SLC25A39: variants seen among roughly 807,000 people sequenced by gnomAD.
SLC25A39 encodes the protein mitochondrial glutathione transporter SLC25A39.
A neutral mutation model predicts 46.6 loss-of-function variants in SLC25A39; 44 were observed. That is an observed-to-expected ratio of 0.94 (90% confidence interval 0.74 to 1.21). The LOEUF is 1.21. SLC25A39 is among the 50% of genes most tolerant of loss of function. SLC25A39 has a pLI of 0.00. For synonymous variants in SLC25A39, 218 were observed against 190.6 expected, an observed-to-expected ratio of 1.14 and a Z score of -1.19; for missense variants, 487 against 473.0, an observed-to-expected ratio of 1.03 and a Z score of -0.28.
In SLC25A39 at chr17:44,323,345, T is replaced by G. The variant is rs1332180829; in HGVS notation, c.86-2A>C. The stretch of plus-strand genomic sequence containing the variant: ...CCTTCACCACGTCCAGGGGTGTCAC[T>G]GGGGGAGGAAGCGGGTCTGAAGGCT... On this transcript the variant is annotated splice_acceptor_variant, in intron 2 of 11. Transcript: ENST00000377095. LOFTEE classifies it high-confidence loss of function. 1.2e-6 allele frequency: 2 copies of G among 1,610,646 alleles called. No homozygotes were observed. Among genetic ancestry groups the G allele is most frequent in the East Asian group, 2.2e-5 (1 of 44,842 alleles).
At chr17:44,323,439 A>AAAGCCCCCCCCCCC in intron 2 of SLC25A39, 39 bp downstream of exon 2, 1 of 257,106 alleles carries the variant, frequency 3.9e-6, no homozygotes, top group Non-Finnish European at 5.7e-6. Context: ...GGTCTGCCCC[A>AAAGCCCCCCCCCCC]TCCCCACCCG....
rs770932432 is a variant in SLC25A39 at position 44,322,437 on chromosome 17, G to A, written c.306C>T (p.Thr102=). The A allele has an allele frequency of 6.2e-6, 10 of 1,614,038 alleles. No homozygotes were observed. ...TCCTCACCATGGTGCCAGTGAAGCG[G>A]GTAGGGTCTTGAAACCAGGTGGCAC... is the stretch of plus-strand genomic sequence containing the variant. ...ARCATWFQDP[T]RFTGTMDAFV... The change falls in exon 5 of 12, where the codon ACC becomes ACT. Residue 102 remains threonine (T), a synonymous_variant. Transcript: ENST00000377095.
intron 1 of SLC25A39, 103 bp downstream of exon 1, chr17:44,324,608 G>C (rs2048171152): frequency 6.6e-6 from 1 of 152,332 alleles, no homozygotes; most frequent in Non-Finnish European, 1.5e-5. Context: ...AGGTGAGGGG[G>C]ACCACGCCAG....
rs187980930 is a variant in SLC25A39, at chr17:44,321,961, G to A, written c.325-194C>T. On this transcript the variant is annotated intron_variant, in intron 5 of 11. Coordinates refer to ENST00000377095, the MANE Select transcript of SLC25A39 (RefSeq NM_001143780.3). ...CCTGGTCACCCTTCAAAAACCTTATGGAGGCCAGGCACGGTGGCTCACATA... is the reference window on the plus strand; with the variant it reads ...CCTGGTCACCCTTCAAAAACCTTATAGAGGCCAGGCACGGTGGCTCACATA... 3.3e-4 allele frequency among the ~76,000 whole-genome samples: 50 copies of A among 152,290 alleles called. 1 individual carries two copies. The East Asian group carries it at 9.7e-3, about 29-fold the overall frequency.
intron 1 of SLC25A39, chr17:44,324,139 G>A (rs1276542082): frequency 9.0e-5 from 14 of 154,742 alleles, no homozygotes; most frequent in South Asian, 7.7e-4. Flanking sequence ...CCTATCGCTC[G>A]AATGCAGTAG....
chr17:44,321,317 G>A (rs755054090), intron 7 of SLC25A39, 86 bp from the exon 8 acceptor site: 22 of 1,582,062 alleles, frequency 1.4e-5, no homozygotes, highest in Non-Finnish European at 1.7e-6. Context: ...CAGGTCTGGG[G>A]ACCTAGAACA....
chr17:44,323,744 C>A, intron 1 of SLC25A39, 167 bp from the exon 2 acceptor site: 1 of 592,330 alleles, frequency 1.7e-6, no homozygotes, highest in Non-Finnish European at 3.0e-6. Context: ...CCCGTTCAAG[C>A]GGTTCTCTTG....
intron 5 of SLC25A39, 57 bp downstream of exon 5, chr17:44,322,362 C>A: frequency 6.2e-7 from 1 of 1,601,520 alleles, no homozygotes; most frequent in Non-Finnish European, 8.5e-7. Context: ...TGCTGCCCAG[C>A]CAGACCGAAC....
chr17:44,323,104 G>T (rs773688187), intron 3 of SLC25A39, among the ~76,000 whole-genome samples, 180 bp downstream of exon 3: 18 of 152,160 alleles, frequency 1.2e-4, no homozygotes, highest in Non-Finnish European at 2.4e-4. Flanking sequence ...TGTAGTTTTA[G>T]TAGTGAGAGA....
chr17:44,323,386 C>A (rs754505005), intron 2 of SLC25A39, 43 bp from the exon 3 acceptor site: 50 of 1,599,176 alleles, frequency 3.1e-5, no homozygotes, highest in Non-Finnish European at 4.1e-5. Context: ...CAGGACCCCA[C>A]CCCTAGGACT....
At position 44,320,189 on chromosome 17, in the gene SLC25A39, C is replaced by T. The variant is rs1298277034; in HGVS notation, c.964+7G>A. On this transcript the variant is annotated splice_region_variant and intron_variant, in intron 11 of 11. Coordinates refer to ENST00000377095, the MANE Select transcript of SLC25A39 (RefSeq NM_001143780.3). ...CATGCCCCCACCCCCGACACCCACACACTGACCTGCAAAGAGTCCCTTGGT... is the reference window on the plus strand; with the variant it reads ...CATGCCCCCACCCCCGACACCCACATACTGACCTGCAAAGAGTCCCTTGGT... 6.2e-7 allele frequency: 1 copy of T among 1,613,914 alleles called. No homozygotes were observed. Among genetic ancestry groups the T allele is most frequent in the African/African-American group, 1.3e-5 (1 of 74,924 alleles).
At chr17:44,323,454 C>T in intron 2 of SLC25A39, 24 bp downstream of exon 2, 1 of 1,492,910 alleles carries the variant, frequency 6.7e-7, no homozygotes. Context: ...CACCCGCCCC[C>T]ACCCCACCTC....
chr17:44,322,302 C>T (rs569994378), intron 5 of SLC25A39, 117 bp downstream of exon 5: 122 of 1,145,212 alleles, frequency 1.1e-4, no homozygotes, highest in Non-Finnish European at 1.5e-4. Context: ...CACTTCCTGA[C>T]GGAACCGGCT....
rs148136132 is a variant in SLC25A39, at chr17:44,321,477, G to A, written c.474C>T (p.Thr158=). 719 of 1,614,104 alleles carry A rather than the reference G, an allele frequency of 4.5e-4. 1 individual carries two copies. Among genetic ancestry groups the A allele is most frequent in the Admixed American group, 1.9e-3 (114 of 60,018 alleles). ...CCACCATGGGTGCGTAGAGGTCAGA[G>A]GTCAGGGCTCGACCACACAGGAAGG... ...LKAFLCGRAL[T]SDLYAPMVAG... Residue 158 remains threonine (T), a synonymous_variant, in exon 7 of 12, where the codon ACC becomes ACT. Transcript: ENST00000377095.
Position 44,322,630 on chromosome 17 carries a change from G to A in SLC25A39, c.191-78C>T, listed in dbSNP as rs957776035. ...AGGCAGTGGGCCCCTATCCCTGGAA[G>A]GCCAGTAAAGGCCAGGTCCCTGTGT... On this transcript the variant is annotated intron_variant, in intron 4 of 11. Coordinates refer to ENST00000377095, the MANE Select transcript of SLC25A39 (RefSeq NM_001143780.3). 20 of 1,570,878 alleles carry A rather than the reference G, an allele frequency of 1.3e-5. No individual in the cohort carries two copies. The African/African-American group carries it at 2.3e-4, about 18-fold the overall frequency.
Position 44,323,271 on chromosome 17 carries a change from G to C in SLC25A39, c.145+13C>G. 6.2e-7 allele frequency: 1 copy of C among 1,613,770 alleles called. No homozygotes were observed. Among genetic ancestry groups the C allele is most frequent in the Non-Finnish European group, 8.5e-7 (1 of 1,179,896 alleles). On this transcript the variant is annotated intron_variant, in intron 3 of 11. Transcript: ENST00000377095. The stretch of plus-strand genomic sequence containing the variant: ...AGGCACCACCCCTCACTAGTTCCAG[G>C]TCAGGTACTCACCGCTGGCCATGGA...
intron 5 of SLC25A39, among the ~76,000 whole-genome samples, chr17:44,322,198 G>A (rs1420807813): frequency 2.0e-5 from 3 of 152,162 alleles, no homozygotes; most frequent in Admixed American, 2.0e-4. Context: ...GCAGTGAGCT[G>A]AGATCACACC....
In SLC25A39 at chr17:44,323,491, A is replaced by T; in HGVS notation, c.72T>A (p.Val24=). The change falls in exon 2 of 12, where the codon GTT becomes GTA. Residue 24 remains valine, a synonymous_variant. Transcript: ENST00000377095. ...CCTAGGTCTTACTGAAGAGAGAGGTAACCACAGCCCCGGTGCCTGAGGCCA... is the reference window on the plus strand; with the variant it reads ...CCTAGGTCTTACTGAAGAGAGAGGTTACCACAGCCCCGGTGCCTGAGGCCA... ...QMVASGTGAV[V]TSLFMTPLDV... 1 of 1,355,050 alleles carries T rather than the reference A, an allele frequency of 7.4e-7. No homozygotes were observed. 83.9% of individuals were successfully genotyped at this position (1,355,050 alleles called of 1,614,324 possible). A position where few individuals can be genotyped will look rare whatever the true frequency, so the allele number is the denominator to read the frequency against.
Position 44,321,143 on chromosome 17 carries a change from A to G in SLC25A39, c.606T>C (p.Cys202=). The G allele has an allele frequency of 6.2e-7, 1 of 1,612,796 alleles. No individual in the cohort carries two copies. Among genetic ancestry groups the G allele is most frequent in the Non-Finnish European group, 8.5e-7 (1 of 1,179,910 alleles). The change falls in exon 8 of 12, where the codon TGT becomes TGC. Residue 202 remains cysteine, a synonymous_variant. Transcript: ENST00000377095. ...QHVSYRELGA[C]VRTAVAQGGW... ...CACCCTGAGCCACTGCAGTTCGAAC[A>G]CAGGCACCCAGCTCCCGGTACGACA...
Sources: gnomAD v4.1 joint callset for allele counts (sites outside exome capture counted in the v4.1 genomes callset) on GRCh38, gnomAD v4.1.1 for gene constraint, MANE v1.5 for transcripts, NCBI Gene and HGNC (gene_info 2026-07-23, HGNC 2026-07-21) for gene names.